Variants in CCDC187 observed in about 807,000 individuals in gnomAD.
The protein encoded by CCDC187 is coiled-coil domain containing 187.
In CCDC187, 32 loss-of-function variants were observed where a neutral mutation model predicts 38.0. That is an observed-to-expected ratio of 0.84 (90% CI 0.64 to 1.13). The LOEUF (loss-of-function observed/expected upper bound fraction) is 1.13. CCDC187 is among the 50% of genes most tolerant of loss of function. The probability of loss-of-function intolerance (pLI) is 0.00; values close to 1 mark genes in which losing one functional copy is unlikely to be tolerated. For synonymous variants in CCDC187, 333 were observed against 347.9 expected (o/e 0.96, Z 0.48); for missense variants, 707 against 786.8 (o/e 0.90, Z 1.21).
intron 9 of CCDC187, among the ~76,000 whole-genome samples, chr9:136,282,977 A>G (rs1256117909): frequency 6.6e-6 from 1 of 152,230 alleles, no homozygotes. Flanking sequence ...GAGGCCGGGC[A>G]CAGTGGCTCA....
chr9:136,269,278 C>T (rs1390422322), intron 14 of CCDC187, among the ~76,000 whole-genome samples: 2 of 152,194 alleles, frequency 1.3e-5, no homozygotes, highest in Non-Finnish European at 2.9e-5. Context: ...TGATCCAGAT[C>T]GACCTAACAC....
intron 9 of CCDC187, among the ~76,000 whole-genome samples, chr9:136,284,993 G>C (rs904417181): frequency 2.2e-4 from 34 of 152,202 alleles, no homozygotes; most frequent in African/African-American, 7.9e-4. Flanking sequence ...AGGGAGTTGG[G>C]CTGAGAGGGG....
rs911213076 is a variant in CCDC187 at position 136,264,444 on chromosome 9, G to A, written c.3736-646C>T. Among the ~76,000 whole-genome samples, 1 of 152,166 alleles carries A rather than the reference G, an allele frequency of 6.6e-6. No homozygotes were observed. The highest frequency in any genetic ancestry group is 2.1e-4 in the South Asian group (1 of 4,834). On this transcript the variant is annotated intron_variant, in intron 17 of 25. Transcript: ENST00000638797. This position sits in a 1 kb window ranked among gnomAD's most constrained non-coding sequence, Gnocchi z 4.3. ...CCCTGGGCAGCGCCTGTTCTGCCAG[G>A]CCCCGTCGTTGCCATGTGACATGCA...
At chr9:136,282,556 G>A (rs1831070864) in intron 9 of CCDC187, among the ~76,000 whole-genome samples, 1 of 152,212 alleles carries the variant, frequency 6.6e-6, no homozygotes. Flanking sequence ...TTTCTTATCA[G>A]GGCCCCCATC....
chr9:136,288,731 G>C (rs995316899), intron 7 of CCDC187, among the ~76,000 whole-genome samples: 68 of 152,330 alleles, frequency 4.5e-4, no homozygotes, highest in African/African-American at 1.5e-3. Context: ...CCAGGGGGAG[G>C]GGCCTCCAGA....
rs1285232592 is a variant in CCDC187, at chr9:136,250,913, G to A, written c.*2681C>T. The A allele has an allele frequency of 6.7e-6, 3 of 450,882 alleles. No individual in the cohort carries two copies. Among genetic ancestry groups the A allele is most frequent in the Non-Finnish European group, 1.3e-5 (3 of 222,750 alleles). 27.9% of individuals were successfully genotyped at this position (450,882 alleles called of 1,614,324 possible). On this transcript the variant is annotated 3_prime_UTR_variant, in exon 26 of 26. Coordinates refer to ENST00000638797, the MANE Select transcript of CCDC187 (RefSeq NM_001378188.1). Reference sequence around the variant, plus strand: ...TGCCTCACGGCAGGGGGCCCAAAGAGGTTCTAAGGGGCCTGGGGTCTCTCA... The same window carrying A: ...TGCCTCACGGCAGGGGGCCCAAAGAAGTTCTAAGGGGCCTGGGGTCTCTCA...
intron 3 of CCDC187, among the ~76,000 whole-genome samples, chr9:136,299,134 A>G (rs1187032571): frequency 6.6e-6 from 1 of 152,176 alleles, no homozygotes; most frequent in Non-Finnish European, 1.5e-5. Context: ...AGGGAGGAAC[A>G]AAGTGGCGCT....
chr9:136,263,529 C>T (rs1037054234), intron 18 of CCDC187, 93 bp downstream of exon 18: 111 of 923,938 alleles, frequency 1.2e-4, no homozygotes, highest in Non-Finnish European at 1.4e-4. Context: ...ACACCGCGCC[C>T]GGCCCACAGG....
chr9:136,297,551 C>T (rs952725006), intron 4 of CCDC187, among the ~76,000 whole-genome samples, 163 bp downstream of exon 4: 4 of 152,140 alleles, frequency 2.6e-5, no homozygotes, highest in African/African-American at 9.7e-5. Flanking sequence ...CCTGACGCTC[C>T]AGCCGGGCCT....
chr9:136,294,150 TCA>T (rs1175828735), intron 4 of CCDC187, among the ~76,000 whole-genome samples: 8 of 143,526 alleles, frequency 5.6e-5, no homozygotes, highest in South Asian at 2.2e-4. Context: ...TCACATGCTC[TCA>T]CACACACATT....
At chr9:136,293,227 ACTCACACG>A (rs1178571303) in intron 4 of CCDC187, among the ~76,000 whole-genome samples, 11 of 144,594 alleles carry the variant, frequency 7.6e-5, no homozygotes, top group African/African-American at 2.7e-4. Context: ...ACACACTCAC[ACTCACACG>A]CTCACACTCA....
chr9:136,262,939 A>AGG (rs1830696505), intron 18 of CCDC187, among the ~76,000 whole-genome samples: 1 of 151,972 alleles, frequency 6.6e-6, no homozygotes, highest in Non-Finnish European at 1.5e-5. Flanking sequence ...GCCGGTGGAC[A>AGG]TGGGGGACAG....
Position 136,250,869 on chromosome 9 carries a change from G to T in CCDC187, c.*2725C>A, listed in dbSNP as rs1554759254. On this transcript the variant is annotated 3_prime_UTR_variant, in exon 26 of 26. Coordinates refer to ENST00000638797, the MANE Select transcript of CCDC187 (RefSeq NM_001378188.1). ...GGGTCCAGCTGCTCCCGGGCGAGGGGTGTCTGGAGAGGGGCTCTTGCCTCA... is the reference window on the plus strand; with the variant it reads ...GGGTCCAGCTGCTCCCGGGCGAGGGTTGTCTGGAGAGGGGCTCTTGCCTCA... 2 of 454,536 alleles carry T rather than the reference G, an allele frequency of 4.4e-6. No homozygotes were observed. Among genetic ancestry groups the T allele is most frequent in the Non-Finnish European group, 8.9e-6 (2 of 225,768 alleles). The allele number at this position is 454,536 out of a possible 1,614,324, so 28.2% of individuals were successfully genotyped here.
At position 136,281,534 on chromosome 9, in the gene CCDC187, C is replaced by T. The variant is rs1028883953; in HGVS notation, c.3040+17G>A. 87 of 398,620 alleles carry T rather than the reference C, an allele frequency of 2.2e-4. No individual in the cohort carries two copies. The highest frequency in any genetic ancestry group is 5.1e-4 in the South Asian group (4 of 7,864). The allele number at this position is 398,620 out of a possible 1,614,324, so 24.7% of individuals were successfully genotyped here. A position where few individuals can be genotyped will look rare whatever the true frequency, so the allele number is the denominator to read the frequency against. On this transcript the variant is annotated intron_variant, in intron 10 of 25. Coordinates refer to ENST00000638797, the MANE Select transcript of CCDC187 (RefSeq NM_001378188.1). ...CCGACCAGCCAGCCCAGGGCCTGTC[C>T]GCAGGGTCGCCCTTACCGCAGCTCC...
chr9:136,296,978 C>A (rs1379999637), intron 4 of CCDC187, among the ~76,000 whole-genome samples: 1 of 152,110 alleles, frequency 6.6e-6, no homozygotes, highest in Non-Finnish European at 1.5e-5. Context: ...CCCTCTCCCA[C>A]CCCCAAGTGT....
Position 136,290,658 on chromosome 9 carries a change from C to G in CCDC187, c.1955G>C (p.Arg652Pro), listed in dbSNP as rs981863102. The change falls in exon 6 of 26, where the codon CGG (arginine) becomes CCG (proline). Residue 652 changes from arginine to proline, a missense_variant. By Grantham distance (103) the Arg-to-Pro change is moderately radical. Coordinates refer to ENST00000638797, the MANE Select transcript of CCDC187 (RefSeq NM_001378188.1). ...FMRQKAQARR[R>P]QALEEKASAL... ...CGAGGCCTTCTCCTCCAGGGCCTGC[C>G]GCCGCCGGGCCTGCGCCTTCTGGCG... The G allele has an allele frequency of 2.5e-6, 1 of 398,266 alleles. No individual in the cohort carries two copies. The highest frequency in any genetic ancestry group is 3.6e-5 in the East Asian group (1 of 28,080). 24.7% of individuals were successfully genotyped at this position (398,266 alleles called of 1,614,324 possible). A position where few individuals can be genotyped will look rare whatever the true frequency, so the allele number is the denominator to read the frequency against.
rs1012171777 is a variant in CCDC187 at position 136,260,115 on chromosome 9, T to C, written c.4210+4A>G. 4.1e-6 allele frequency: 4 copies of C among 985,242 alleles called. No individual in the cohort carries two copies. The African/African-American group carries it at 7.0e-5, about 17-fold the overall frequency. The allele number at this position is 985,242 out of a possible 1,614,324, so 61.0% of individuals were successfully genotyped here. A position where few individuals can be genotyped will look rare whatever the true frequency, so the allele number is the denominator to read the frequency against. ...CCTGGGCGGTCGCCGCGGCTGCTCATTACCTTGACTGACATGGCTGCCACT... is the reference window on the plus strand; with the variant it reads ...CCTGGGCGGTCGCCGCGGCTGCTCACTACCTTGACTGACATGGCTGCCACT... On this transcript the variant is annotated splice_donor_region_variant and intron_variant, in intron 20 of 25. Transcript: ENST00000638797.
Position 136,257,963 on chromosome 9 carries a change from G to C in CCDC187, c.4366+969C>G, listed in dbSNP as rs782790537. 3.9e-5 allele frequency among the ~76,000 whole-genome samples: 6 copies of C among 152,226 alleles called. No homozygotes were observed. The highest frequency in any genetic ancestry group is 8.8e-5 in the Non-Finnish European group (6 of 68,030). On this transcript the variant is annotated intron_variant, in intron 22 of 25. Transcript: ENST00000638797. The surrounding 1 kb of genome is among the most constrained non-coding windows in gnomAD (Gnocchi z 4.5). The stretch of plus-strand genomic sequence containing the variant: ...CTCCTCTGCTGCGTGGGCATAACGA[G>C]TGAATCCACCTCCAGAGGCAACGAG...
At chr9:136,285,124 A>G (rs932741574) in intron 9 of CCDC187, among the ~76,000 whole-genome samples, 2 of 151,954 alleles carry the variant, frequency 1.3e-5, no homozygotes, top group Non-Finnish European at 2.9e-5. Context: ...GTGAGGCTCC[A>G]TGGACAGGCA....
Sources: allele counts gnomAD v4.1 joint callset (sites outside exome capture counted in the v4.1 genomes callset), GRCh38; gene constraint gnomAD v4.1.1; non-coding constraint Gnocchi (gnomAD v3.1); transcripts MANE v1.5; gene names NCBI Gene and HGNC (gene_info 2026-07-23, HGNC 2026-07-21).